CCDC150: variants seen among roughly 807,000 people sequenced by gnomAD.
The protein encoded by CCDC150 is coiled-coil domain-containing protein 150.
A neutral mutation model predicts 156.5 loss-of-function variants in CCDC150; 151 were observed. The observed-to-expected ratio is 0.97, with a 90% CI of 0.85 to 1.10. The LOEUF (loss-of-function observed/expected upper bound fraction) is 1.10. Ranked by LOEUF, CCDC150 falls within the 50% of genes least tolerant of loss-of-function variation. The pLI is 0.00. For missense variants in CCDC150, 1,312 were observed against 1,268.1 expected, an observed-to-expected ratio of 1.03 and a Z score of -0.53; for synonymous variants, 452 against 429.4, an observed-to-expected ratio of 1.05 and a Z score of -0.65.
chr2:196,653,106 T>A (rs1184356064), intron 2 of CCDC150, among the ~76,000 whole-genome samples: 2 of 152,240 alleles, frequency 1.3e-5, no homozygotes, highest in Non-Finnish European at 2.9e-5. Context: ...TGAAATGCCT[T>A]CAGAGCCTTT....
At chr2:196,654,125 A>G (rs1210139376) in intron 2 of CCDC150, among the ~76,000 whole-genome samples, 1 of 152,170 alleles carries the variant, frequency 6.6e-6, no homozygotes, top group Non-Finnish European at 1.5e-5. Context: ...AACAGCTCCC[A>G]CCAGGCCTTA....
chr2:196,707,721 A>C (rs1696767122), intron 15 of CCDC150, among the ~76,000 whole-genome samples: 1 of 152,088 alleles, frequency 6.6e-6, no homozygotes. Context: ...CTTTGCTCTC[A>C]TTGGTTTCAA....
chr2:196,646,674 T>C (rs899314219), intron 2 of CCDC150, among the ~76,000 whole-genome samples, 170 bp downstream of exon 2: 3 of 152,220 alleles, frequency 2.0e-5, no homozygotes, highest in African/African-American at 7.2e-5. Context: ...CGTTCTGTGA[T>C]AGAGCTAGAG....
intron 2 of CCDC150, among the ~76,000 whole-genome samples, chr2:196,648,408 T>C (rs1372658691): frequency 6.6e-6 from 1 of 152,176 alleles, no homozygotes; most frequent in Non-Finnish European, 1.5e-5. Flanking sequence ...ATTTTTTTAA[T>C]GTATCAAGTT....
intron 13 of CCDC150, among the ~76,000 whole-genome samples, chr2:196,689,722 T>C (rs1307715084): frequency 6.6e-6 from 1 of 151,966 alleles, no homozygotes; most frequent in Non-Finnish European, 1.5e-5. Flanking sequence ...CTTTTCCTAA[T>C]TGAATACCCT....
At chr2:196,709,051 T>C (rs1361864413) in intron 15 of CCDC150, among the ~76,000 whole-genome samples, 3 of 152,204 alleles carry the variant, frequency 2.0e-5, no homozygotes, top group African/African-American at 7.2e-5. Context: ...TGTTGTCCTG[T>C]CTTGCTAGGT....
chr2:196,647,670 C>T lies in CCDC150; in HGVS notation c.176+1166C>T, dbSNP rs117614456. 5.7e-4 allele frequency among the ~76,000 whole-genome samples: 86 copies of T among 151,988 alleles called. No homozygotes were observed. In the East Asian group the frequency reaches 0.011, roughly 19 times the overall value. ...GTATATATTTATGGGGTAAATGTGACGCTATGATGCATGCATACATTGTAG... is the reference window on the plus strand; with the variant it reads ...GTATATATTTATGGGGTAAATGTGATGCTATGATGCATGCATACATTGTAG... On this transcript the variant is annotated intron_variant, in intron 2 of 27. Coordinates refer to ENST00000389175, the MANE Select transcript of CCDC150 (RefSeq NM_001080539.2).
intron 8 of CCDC150, among the ~76,000 whole-genome samples, chr2:196,672,075 T>C (rs965209082): frequency 4.6e-5 from 7 of 152,196 alleles, no homozygotes; most frequent in African/African-American, 1.7e-4. Flanking sequence ...GTTGTCAGTG[T>C]TCTAGATTTT....
Position 196,732,549 on chromosome 2 carries a change from T to C in CCDC150, c.3293T>C (p.Val1098Ala). ...ATGCCCAAGAAGTATCATTCTGAGG[T>C]ACAGAGGAAGTGATGTCCTTGACAA... ...RPMPKKYHSE[V>A]QRK is the part of the protein sequence containing the mutation. Residue 1098 changes from valine (V) to alanine (A), a missense_variant, in exon 28 of 28, where the codon GTA becomes GCA. Physicochemically the swap from Val to Ala is moderately conservative, Grantham distance 64. Transcript: ENST00000389175. 1 of 1,609,154 alleles carries C rather than the reference T, an allele frequency of 6.2e-7. No homozygotes were observed. The highest frequency in any genetic ancestry group is 1.1e-5 in the South Asian group (1 of 90,986).
chr2:196,672,631 CTATGATA>C (rs1257982204), intron 9 of CCDC150, among the ~76,000 whole-genome samples, 194 bp downstream of exon 9: 1 of 152,094 alleles, frequency 6.6e-6, no homozygotes, highest in African/African-American at 2.4e-5. Context: ...CTCCAAATTC[CTATGATA>C]TATAAGTATA....
chr2:196,727,479 A>G (rs1417566510), intron 22 of CCDC150: 1 of 152,192 alleles, frequency 6.6e-6, no homozygotes, highest in African/African-American at 2.4e-5. Flanking sequence ...GGATTAAAAT[A>G]ATTCCTTGGT....
intron 6 of CCDC150, among the ~76,000 whole-genome samples, chr2:196,666,308 C>A (rs143894918): frequency 2.6e-5 from 4 of 152,236 alleles, no homozygotes; most frequent in Non-Finnish European, 5.9e-5. Flanking sequence ...ATTATTTTAA[C>A]CAATGGAAAA....
chr2:196,695,487 T>A lies in CCDC150; in HGVS notation c.1623+328T>A, dbSNP rs530159131. 1.6e-4 allele frequency among the ~76,000 whole-genome samples: 25 copies of A among 152,288 alleles called. No homozygotes were observed. In the South Asian group the frequency reaches 4.6e-3, roughly 28 times the overall value. ...CCTCCATTAGGCAATCAGTAATAAG[T>A]CTGATTTCTGAAAGCTATTTGACAA... On this transcript the variant is annotated intron_variant, in intron 14 of 27. Transcript: ENST00000389175.
At chr2:196,724,474 CATG>C (rs1698097100) in intron 21 of CCDC150, among the ~76,000 whole-genome samples, 1 of 152,086 alleles carries the variant, frequency 6.6e-6, no homozygotes, top group Non-Finnish European at 1.5e-5. Flanking sequence ...GTTACATGCT[CATG>C]ATATGTTGGG....
At position 196,708,126 on chromosome 2, in the gene CCDC150, A is replaced by G. The variant is rs142488208; in HGVS notation, c.1696-4019A>G. On this transcript the variant is annotated intron_variant, in intron 15 of 27. Coordinates refer to ENST00000389175, the MANE Select transcript of CCDC150 (RefSeq NM_001080539.2). ...TAGGGTGTTAAAGTCTCCCACTATT[A>G]TTGTGTGGGAGTCTAAGTCTCTTTA... Among the ~76,000 whole-genome samples the G allele has an allele frequency of 4.9e-3, 740 of 152,104 alleles. 4 individuals carry two copies. Among genetic ancestry groups the G allele is most frequent in the African/African-American group, 0.017 (700 of 41,468 alleles).
intron 1 of CCDC150, among the ~76,000 whole-genome samples, chr2:196,643,778 C>T (rs550444161): frequency 6.6e-6 from 1 of 152,344 alleles, no homozygotes; most frequent in East Asian, 1.9e-4. Context: ...CTCCCTTCCC[C>T]TCTCCAGCAC....
chr2:196,640,103 T>C (rs536339503), intron 1 of CCDC150, among the ~76,000 whole-genome samples: 174 of 152,304 alleles, frequency 1.1e-3, no homozygotes, highest in African/African-American at 3.8e-3. Context: ...TCGGCGTTAA[T>C]GTTTGATTTT....
intron 17 of CCDC150, among the ~76,000 whole-genome samples, chr2:196,714,431 C>G (rs566897583): frequency 9.0e-4 from 137 of 152,324 alleles, no homozygotes; most frequent in African/African-American, 3.2e-3. Flanking sequence ...AAGACACTCT[C>G]CCTTTCCATC....
chr2:196,670,220 A>G (rs1468355909), intron 8 of CCDC150, among the ~76,000 whole-genome samples: 1 of 152,120 alleles, frequency 6.6e-6, no homozygotes, highest in Non-Finnish European at 1.5e-5. Context: ...GTTTAATGAC[A>G]CTACACACTT....
Sources: gnomAD v4.1 joint callset for allele counts (sites outside exome capture counted in the v4.1 genomes callset) on GRCh38, gnomAD v4.1.1 for gene constraint, MANE v1.5 for transcripts, NCBI Gene and HGNC (gene_info 2026-07-23, HGNC 2026-07-21) for gene names.